The following RABGAP1L variants were observed in gnomAD, a reference collection of about 807,000 sequenced individuals.
RABGAP1L encodes the protein rab GTPase-activating protein 1-like.
In RABGAP1L, 63 loss-of-function variants were observed where a neutral mutation model predicts 137.7. The observed-to-expected ratio is 0.46, with a 90% CI of 0.37 to 0.56. The LOEUF (loss-of-function observed/expected upper bound fraction) is 0.56. RABGAP1L is among the 20% of genes least tolerant of loss of function. The pLI is 0.00. For missense variants in RABGAP1L, 1,095 were observed against 1,244.0 expected, an observed-to-expected ratio of 0.88 and a Z score of 1.80; for synonymous variants, 431 against 433.7, an observed-to-expected ratio of 0.99 and a Z score of 0.08.
intron 13 of RABGAP1L, among the ~76,000 whole-genome samples, chr1:174,620,888 C>G (rs1396476511): frequency 6.6e-6 from 1 of 151,858 alleles, no homozygotes; most frequent in Non-Finnish European, 1.5e-5. Flanking sequence ...AGACCACTAG[C>G]AAGACTAATA....
intron 13 of RABGAP1L, among the ~76,000 whole-genome samples, chr1:174,555,482 T>G (rs1296305108): frequency 6.6e-6 from 1 of 152,196 alleles, no homozygotes; most frequent in Non-Finnish European, 1.5e-5. Flanking sequence ...TCAGGATTCA[T>G]TCAACAAACA....
At chr1:174,727,895 C>G (rs181977851) in intron 17 of RABGAP1L, among the ~76,000 whole-genome samples, 24 of 152,176 alleles carry the variant, frequency 1.6e-4, no homozygotes, top group African/African-American at 5.3e-4. Context: ...TCTCATGTGC[C>G]AGTCATCAGA....
chr1:174,841,461 G>C (rs890503320), intron 19 of RABGAP1L, among the ~76,000 whole-genome samples: 2 of 151,982 alleles, frequency 1.3e-5, no homozygotes, highest in African/African-American at 4.8e-5. Context: ...AGCTAAAATA[G>C]AGTTCAGAGG....
chr1:174,325,535 G>T (rs553827635), intron 11 of RABGAP1L, among the ~76,000 whole-genome samples: 2 of 152,272 alleles, frequency 1.3e-5, no homozygotes, highest in South Asian at 4.1e-4. Context: ...TAAGATTATT[G>T]GTTCTCTGTG....
chr1:174,583,200 A>G (rs1286582523), intron 13 of RABGAP1L, among the ~76,000 whole-genome samples: 1 of 152,192 alleles, frequency 6.6e-6, no homozygotes, highest in African/African-American at 2.4e-5. Flanking sequence ...AGGTAGTTGG[A>G]CTTAACACAG....
chr1:174,604,489 A>T (rs983521581), intron 13 of RABGAP1L, among the ~76,000 whole-genome samples: 2 of 152,132 alleles, frequency 1.3e-5, no homozygotes, highest in African/African-American at 4.8e-5. Flanking sequence ...CCTTGATATG[A>T]TGTTAAAACC....
At chr1:174,779,767 A>T (rs1460361591) in intron 18 of RABGAP1L, among the ~76,000 whole-genome samples, 1 of 152,186 alleles carries the variant, frequency 6.6e-6, no homozygotes, top group Non-Finnish European at 1.5e-5. Flanking sequence ...GATTATGTAT[A>T]CTGAACTCCT....
intron 13 of RABGAP1L, chr1:174,547,981 A>T (rs1666157907): frequency 6.5e-7 from 1 of 1,550,378 alleles, no homozygotes; most frequent in Non-Finnish European, 8.7e-7. Context: ...TTTTTGTTTT[A>T]GTTCCTTTCC....
At chr1:174,331,997 C>G (rs1200761750) in intron 11 of RABGAP1L, among the ~76,000 whole-genome samples, 1 of 152,106 alleles carries the variant, frequency 6.6e-6, no homozygotes, top group African/African-American at 2.4e-5. Context: ...GGCTGGAGTG[C>G]AGTGGTGCCA....
At chr1:174,744,044 T>C (rs909672132) in intron 17 of RABGAP1L, among the ~76,000 whole-genome samples, 1 of 135,792 alleles carries the variant, frequency 7.4e-6, no homozygotes, top group South Asian at 2.2e-4. Context: ...TAAAACAGCA[T>C]GTCTCAATTT....
intron 14 of RABGAP1L, among the ~76,000 whole-genome samples, chr1:174,653,202 A>C (rs897088570): frequency 1.3e-5 from 2 of 152,148 alleles, no homozygotes; most frequent in South Asian, 4.1e-4. Context: ...GGCAGTGAGA[A>C]TTTCAAGACA....
intron 13 of RABGAP1L, among the ~76,000 whole-genome samples, chr1:174,477,050 A>T (rs1314909804): frequency 6.6e-6 from 1 of 152,148 alleles, no homozygotes; most frequent in East Asian, 1.9e-4. Flanking sequence ...CCTAAGGGTG[A>T]TACTGCTTGT....
intron 11 of RABGAP1L, among the ~76,000 whole-genome samples, chr1:174,362,480 G>T (rs1371622494): frequency 6.6e-6 from 1 of 152,150 alleles, no homozygotes; most frequent in Non-Finnish European, 1.5e-5. Flanking sequence ...ATTCTGACTG[G>T]TGTGAAATGG....
At chr1:174,901,153 T>C (rs531543106) in intron 19 of RABGAP1L, among the ~76,000 whole-genome samples, 23 of 152,250 alleles carry the variant, frequency 1.5e-4, no homozygotes, top group Non-Finnish European at 2.9e-4. Context: ...TAGTTAGTTA[T>C]GTTCCTCTCT....
chr1:174,734,546 A>G (rs756864317), intron 17 of RABGAP1L, among the ~76,000 whole-genome samples: 7 of 152,176 alleles, frequency 4.6e-5, no homozygotes, highest in Non-Finnish European at 8.8e-5. Context: ...CAGAACCAGA[A>G]CTCAATTAGG....
chr1:174,587,891 T>A (rs926948308), intron 13 of RABGAP1L, among the ~76,000 whole-genome samples: 7 of 152,170 alleles, frequency 4.6e-5, no homozygotes, highest in Non-Finnish European at 7.3e-5. Flanking sequence ...TGAAACAGAG[T>A]GTCACTTTGT....
intron 5 of RABGAP1L, 71 bp downstream of exon 5, chr1:174,241,728 C>G (rs760986554): frequency 6.6e-6 from 8 of 1,217,004 alleles, no homozygotes; most frequent in Non-Finnish European, 9.2e-6. Flanking sequence ...TCTAATTTCA[C>G]TGTTGTATAA....
chr1:174,877,534 C>T, intron 19 of RABGAP1L: 1 of 1,614,076 alleles, frequency 6.2e-7, no homozygotes, highest in Non-Finnish European at 8.5e-7. Flanking sequence ...CTATGACGCC[C>T]ATGTTTTCAG....
intron 11 of RABGAP1L, among the ~76,000 whole-genome samples, chr1:174,329,781 TGATAAAG>T (rs1277147896): frequency 2.6e-5 from 4 of 151,310 alleles, no homozygotes; most frequent in African/African-American, 9.8e-5. Context: ...CATCTTTTTG[TGATAAAG>T]CTTCCAGCAA....
Sources: gnomAD v4.1 joint callset for allele counts (sites outside exome capture counted in the v4.1 genomes callset) on GRCh38, gnomAD v4.1.1 for gene constraint, MANE v1.5 for transcripts, NCBI Gene and HGNC (gene_info 2026-07-23, HGNC 2026-07-21) for gene names.